The following MKLN1 variants were observed in gnomAD, a reference collection of about 807,000 sequenced individuals.
MKLN1 encodes muskelin.
Under a neutral mutation model 99.0 loss-of-function variants are expected in MKLN1, and 18 were observed. The ratio of observed to expected loss-of-function variants is 0.18; its 90% confidence interval spans 0.13 to 0.27. The LOEUF (loss-of-function observed/expected upper bound fraction) is 0.27, where lower values mean the gene tolerates loss of function less well. Among genes scored for constraint, MKLN1 ranks in the 10% least tolerant of loss-of-function variants. The pLI is 1.00. For synonymous variants in MKLN1, 288 were observed against 293.2 expected (o/e 0.98, Z 0.18); for missense variants, 621 against 875.9 (o/e 0.71, Z 3.67).
chr7:131,435,599 T>C (rs747961092), intron 9 of MKLN1, among the ~76,000 whole-genome samples: 1 of 152,152 alleles, frequency 6.6e-6, no homozygotes, highest in Non-Finnish European at 1.5e-5. Context: ...CTTCAGATTT[T>C]CCTCTTTCAT....
intron 5 of MKLN1, 123 bp downstream of exon 5, chr7:131,397,499 T>G: frequency 1.7e-6 from 1 of 584,668 alleles, no homozygotes; most frequent in South Asian, 2.9e-5. Flanking sequence ...AGCTAACATT[T>G]TATTAAGCAC....
Position 131,174,915 on chromosome 7 carries a change from C to T in MKLN1, c.-296-27942C>T, listed in dbSNP as rs541261560. Among the ~76,000 whole-genome samples, 4 of 152,134 alleles carry T rather than the reference C, an allele frequency of 2.6e-5. No individual in the cohort carries two copies. The East Asian group carries it at 7.7e-4, about 29-fold the overall frequency. ...AATTCAGACAGGGCAAGTCTGTTCT[C>T]TCCTCCCCACTTGTCTCCCTCCCTG... On this transcript the variant is annotated intron_variant, in intron 2 of 7. Coordinates refer to the MKLN1 transcript ENST00000416992.
At chr7:131,258,325 G>C (rs1232696116) in intron 3 of MKLN1, among the ~76,000 whole-genome samples, 1 of 48,912 alleles carries the variant, frequency 2.0e-5, no homozygotes, top group Non-Finnish European at 6.2e-5. Flanking sequence ...CTCCTGAGAT[G>C]CTCTGTTGCT....
rs1215033989 is a variant in MKLN1, at chr7:131,283,340, CT to C, written c.-179+80368del. Among the ~76,000 whole-genome samples, 202 of 43,252 alleles carry C rather than the reference CT, an allele frequency of 4.7e-3. 4 individuals carry two copies. Among genetic ancestry groups the C allele is most frequent in the African/African-American group, 0.024 (195 of 8,204 alleles). 28.4% of individuals were successfully genotyped at this position (43,252 alleles called of 152,430 possible). On this transcript the variant is annotated intron_variant, in intron 3 of 7. Transcript: ENST00000416992. ...CTCCCTCCCTCCCTCCTTCCCTTCC[CT>C]TCCCCTCCTTCCTTCCTTCCTTCCT...
At chr7:131,319,455 G>C (rs961200120) in intron 3 of MKLN1, among the ~76,000 whole-genome samples, 5 of 152,092 alleles carry the variant, frequency 3.3e-5, no homozygotes, top group Non-Finnish European at 7.4e-5. Flanking sequence ...AAAATATTAA[G>C]AGCTATTTAT....
At chr7:131,285,999 A>G (rs1584891348) in intron 3 of MKLN1, among the ~76,000 whole-genome samples, 1 of 142,934 alleles carries the variant, frequency 7.0e-6, no homozygotes, top group African/African-American at 2.7e-5. Flanking sequence ...TCTGTCGCCC[A>G]GGCTGGAGTG....
rs1388989786 is a variant in MKLN1, at chr7:131,491,993, ATAAGAAAT to A, written c.*4269_*4276del. 2.0e-5 allele frequency: 3 copies of A among 152,334 alleles called. No individual in the cohort carries two copies. The highest frequency in any genetic ancestry group is 2.9e-5 in the Non-Finnish European group (2 of 68,038). 9.4% of individuals were successfully genotyped at this position (152,334 alleles called of 1,614,324 possible). On this transcript the variant is annotated 3_prime_UTR_variant, in exon 18 of 18. Transcript: ENST00000352689. ...TTATGACAAGAGAATAATGAAATTC[ATAAGAAAT>A]TAATAACATTCAGATATTGCTATAA... is the stretch of plus-strand genomic sequence containing the variant.
chr7:131,371,382 G>A (rs1454034939), intron 1 of MKLN1, among the ~76,000 whole-genome samples: 2 of 152,116 alleles, frequency 1.3e-5, no homozygotes, highest in Non-Finnish European at 2.9e-5. Flanking sequence ...GACTCCCAGA[G>A]CATAATCAGT....
At chr7:131,381,305 A>G (rs1793839595) in intron 2 of MKLN1, among the ~76,000 whole-genome samples, 1 of 152,216 alleles carries the variant, frequency 6.6e-6, no homozygotes, top group African/African-American at 2.4e-5. Flanking sequence ...CTTGAAAGAC[A>G]TGTTTTCCAT....
At chr7:131,159,369 A>G (rs1003718770) in intron 2 of MKLN1, among the ~76,000 whole-genome samples, 4 of 152,156 alleles carry the variant, frequency 2.6e-5, no homozygotes, top group African/African-American at 9.7e-5. Context: ...CACACATACA[A>G]TGGACTATTA....
At chr7:131,161,596 G>A (rs528173503) in intron 2 of MKLN1, among the ~76,000 whole-genome samples, 1 of 152,218 alleles carries the variant, frequency 6.6e-6, no homozygotes, top group African/African-American at 2.4e-5. Context: ...CTGTCGCCCA[G>A]GCTGGAGTGC....
chr7:131,454,079 A>T (rs1193349488), intron 12 of MKLN1, among the ~76,000 whole-genome samples: 2 of 148,306 alleles, frequency 1.3e-5, no homozygotes, highest in Non-Finnish European at 1.5e-5. Context: ...TTTTTTTAAC[A>T]GTACTTTATC....
intron 3 of MKLN1, among the ~76,000 whole-genome samples, chr7:131,294,890 G>A (rs1233594554): frequency 3.3e-5 from 5 of 152,166 alleles, no homozygotes; most frequent in Admixed American, 2.6e-4. Flanking sequence ...GAGACCCAAA[G>A]AAGGACAGAG....
chr7:131,198,977 C>G (rs1796687450), intron 2 of MKLN1, among the ~76,000 whole-genome samples: 1 of 152,066 alleles, frequency 6.6e-6, no homozygotes, highest in Non-Finnish European at 1.5e-5. Flanking sequence ...CTAAAACTGA[C>G]TTTTTTATAT....
intron 2 of MKLN1, among the ~76,000 whole-genome samples, chr7:131,168,054 T>C (rs1408110688): frequency 2.6e-5 from 4 of 152,244 alleles, no homozygotes; most frequent in Non-Finnish European, 5.9e-5. Flanking sequence ...TCCTAAATCT[T>C]TTCAGTTTTC....
chr7:131,242,690 C>G (rs1797423146), intron 3 of MKLN1: 1 of 643,682 alleles, frequency 1.6e-6, no homozygotes, highest in South Asian at 1.6e-5. Context: ...ATGATGGTAC[C>G]TTAGATCGCC....
At chr7:131,366,395 A>G (rs1361458727) in intron 1 of MKLN1, among the ~76,000 whole-genome samples, 1 of 152,184 alleles carries the variant, frequency 6.6e-6, no homozygotes, top group Admixed American at 6.5e-5. Flanking sequence ...AAGTATCTAA[A>G]ACTTCCAATT....
At chr7:131,387,050 A>C in intron 2 of MKLN1, 70 bp from the exon 3 acceptor site, 1 of 1,397,598 alleles carries the variant, frequency 7.2e-7, no homozygotes, top group Non-Finnish European at 9.7e-7. Context: ...GTTAACTGGC[A>C]ATAGTTTTAA....
intron 1 of MKLN1, among the ~76,000 whole-genome samples, chr7:131,373,924 C>T (rs1339689044): frequency 6.6e-6 from 1 of 151,748 alleles, no homozygotes; most frequent in Admixed American, 6.6e-5. Flanking sequence ...TCAGTCTTTC[C>T]TTGTTTTTTA....
Sources: allele counts gnomAD v4.1 joint callset (sites outside exome capture counted in the v4.1 genomes callset), GRCh38; gene constraint gnomAD v4.1.1; transcripts MANE v1.5; gene names NCBI Gene and HGNC (gene_info 2026-07-23, HGNC 2026-07-21).